CD46: variants seen among roughly 807,000 people sequenced by gnomAD.
CD46 encodes membrane cofactor protein.
A neutral mutation model predicts 53.3 loss-of-function variants in CD46; 30 were observed. That is an observed-to-expected ratio of 0.56 (90% CI 0.42 to 0.76). CD46 has a LOEUF of 0.76. Among genes scored for constraint, CD46 ranks in the 30% least tolerant of loss-of-function variants. The pLI, the probability that CD46 is intolerant of heterozygous loss-of-function variation, is 0.00. For synonymous variants in CD46, 142 were observed against 152.0 expected, an observed-to-expected ratio of 0.93 and a Z score of 0.48; for missense variants, 409 against 463.0, an observed-to-expected ratio of 0.88 and a Z score of 1.07.
intron 11 of CD46, among the ~76,000 whole-genome samples, chr1:207,787,733 A>G (rs1369970740): frequency 2.0e-5 from 3 of 152,224 alleles, no homozygotes; most frequent in African/African-American, 7.2e-5. Context: ...TGACAGGAAC[A>G]TACTCGATTG....
chr1:207,752,445 A>G lies in CD46; in HGVS notation c.97+136A>G. On this transcript the variant is annotated intron_variant, in intron 1 of 12. Transcript: ENST00000367042. This position sits in a 1 kb window ranked among gnomAD's most constrained non-coding sequence, Gnocchi z 4.1. ...GTTCTCTGAGGGGTGCAGTGCTCAG[A>G]TCCCGGGGGTATGTGGCGGGGAATG... 1.2e-6 allele frequency: 1 copy of G among 838,074 alleles called. No individual in the cohort carries two copies. The highest frequency in any genetic ancestry group is 2.0e-6 in the Non-Finnish European group (1 of 491,180). The allele number at this position is 838,074 out of a possible 1,614,324, so 51.9% of individuals were successfully genotyped here.
At chr1:207,759,531 CT>C in intron 3 of CD46, 107 bp from the exon 4 acceptor site, 1 of 669,130 alleles carries the variant, frequency 1.5e-6, no homozygotes, top group Non-Finnish European at 2.7e-6. Flanking sequence ...AAACCACCCC[CT>C]CAAACTACTG....
chr1:207,789,062 C>T (rs1300542583), intron 11 of CD46, among the ~76,000 whole-genome samples: 1 of 152,218 alleles, frequency 6.6e-6, no homozygotes, highest in Non-Finnish European at 1.5e-5. Flanking sequence ...GTCTTTGCTA[C>T]TGCTTCAGTC....
intron 1 of CD46, among the ~76,000 whole-genome samples, chr1:207,756,282 A>G (rs1340220053): frequency 1.3e-5 from 2 of 152,358 alleles, no homozygotes; most frequent in East Asian, 3.9e-4. Flanking sequence ...GGATTAAATC[A>G]CAGGGTGAGT....
chr1:207,789,124 C>T (rs1659557197), intron 11 of CD46, among the ~76,000 whole-genome samples: 1 of 152,190 alleles, frequency 6.6e-6, no homozygotes, highest in South Asian at 2.1e-4. Flanking sequence ...CTTTTGTTTA[C>T]ATAAATATTT....
At chr1:207,790,578 T>C (rs886941487) in intron 12 of CD46, among the ~76,000 whole-genome samples, 2 of 152,312 alleles carry the variant, frequency 1.3e-5, no homozygotes, top group South Asian at 2.1e-4. Flanking sequence ...TATGTTCCCC[T>C]AGTCCTTTTA....
chr1:207,755,338 G>C (rs1011546553), intron 1 of CD46, among the ~76,000 whole-genome samples: 4 of 152,174 alleles, frequency 2.6e-5, no homozygotes, highest in Non-Finnish European at 1.5e-5. Flanking sequence ...ATGAAACCTA[G>C]AGAAAGTAAA....
intron 5 of CD46, chr1:207,763,344 CTTGCT>C: frequency 6.6e-6 from 1 of 152,524 alleles, no homozygotes; most frequent in East Asian, 1.9e-4. Flanking sequence ...GCCCCCCAGC[CTTGCT>C]GGCTCCTCTG....
Position 207,767,189 on chromosome 1 carries a change from C to G in CD46, c.850C>G (p.Leu284Val), listed in dbSNP as rs200389060. The G allele has an allele frequency of 1.2e-6, 2 of 1,612,418 alleles. No homozygotes were observed. The highest frequency in any genetic ancestry group is 2.2e-5 in the East Asian group (1 of 44,870). Reference sequence around the variant, plus strand: ...TTGGGATCCCCCAGTTCCAAAGTGTCTTAAAGGTACAAAGGTTATCTTTTT... The same window carrying G: ...TTGGGATCCCCCAGTTCCAAAGTGTGTTAAAGGTACAAAGGTTATCTTTTT... ...STWDPPVPKCLKVSTSSTTKS... is the reference protein window; with the variant it reads ...STWDPPVPKCVKVSTSSTTKS... The change falls in exon 6 of 13, where the codon CTT becomes GTT. Residue 284 changes from leucine to valine, a missense_variant. By Grantham distance (32) the Leu-to-Val change is conservative. Transcript: ENST00000367042.
chr1:207,778,733 T>C (rs1658396499), intron 8 of CD46, among the ~76,000 whole-genome samples: 1 of 152,204 alleles, frequency 6.6e-6, no homozygotes, highest in Non-Finnish European at 1.5e-5. Context: ...GCCTCCAGCT[T>C]TGTTCTTTTT....
chr1:207,773,350 T>A (rs980786488), intron 8 of CD46, among the ~76,000 whole-genome samples: 1 of 152,240 alleles, frequency 6.6e-6, no homozygotes, highest in Non-Finnish European at 1.5e-5. Context: ...AACCAGCTCC[T>A]GGAATCATTG....
chr1:207,790,443 A>G (rs1461650903), intron 12 of CD46, 98 bp downstream of exon 12: 1 of 674,526 alleles, frequency 1.5e-6, no homozygotes, highest in East Asian at 2.7e-5. Flanking sequence ...AGATATTGGC[A>G]GTAAATATCA....
At position 207,767,085 on chromosome 1, in the gene CD46, A is replaced by G. The variant is rs115094188; in HGVS notation, c.746A>G (p.Lys249Arg). ...ISGFGKKFYYKATVMFECDKG... is the reference protein window; with the variant it reads ...ISGFGKKFYYRATVMFECDKG... ...GGATTTGGAAAAAAATTTTACTACA[A>G]AGCAACAGTTATGTTTGAATGCGAT... Residue 249 changes from lysine to arginine, a missense_variant, in exon 6 of 13, where the codon AAA (lysine) becomes AGA (arginine). Transcript: ENST00000367042. The G allele has an allele frequency of 2.5e-6, 4 of 1,613,822 alleles. No homozygotes were observed. The East Asian group carries it at 8.9e-5, about 36-fold the overall frequency.
At chr1:207,792,327 G>A (rs1659870811) in intron 12 of CD46, among the ~76,000 whole-genome samples, 1 of 152,130 alleles carries the variant, frequency 6.6e-6, no homozygotes, top group Non-Finnish European at 1.5e-5. Flanking sequence ...TGGTCTTGGA[G>A]AATTCAGTGA....
intron 12 of CD46, among the ~76,000 whole-genome samples, chr1:207,793,087 T>C (rs1461365228): frequency 6.6e-6 from 1 of 152,202 alleles, no homozygotes; most frequent in Admixed American, 6.5e-5. Context: ...GTGGAATACA[T>C]GATTTTCTTG....
Position 207,752,192 on chromosome 1 carries a change from A to G in CD46, c.-21A>G. 6.2e-7 allele frequency: 1 copy of G among 1,610,836 alleles called. No individual in the cohort carries two copies. The highest frequency in any genetic ancestry group is 1.1e-5 in the South Asian group (1 of 91,042). ...TTCTCTGCTTTCCTCCGGAGAAATA[A>G]CAGCGTCTTCCGCGCCGCGCATGGA... On this transcript the variant is annotated 5_prime_UTR_variant, in exon 1 of 13. It removes the in-frame stop codon of an upstream open reading frame in the 5' UTR. Coordinates refer to ENST00000367042, the MANE Select transcript of CD46 (RefSeq NM_172351.3). The surrounding 1 kb of genome is among the most constrained non-coding windows in gnomAD (Gnocchi z 4.1).
At position 207,767,215 on chromosome 1, in the gene CD46, T is replaced by A. The variant is rs183517108; in HGVS notation, c.856+20T>A. On this transcript the variant is annotated intron_variant, in intron 6 of 12. Transcript: ENST00000367042. Reference sequence around the variant, plus strand: ...TTAAAGGTACAAAGGTTATCTTTTTTCTGTCTTGGTTTGTTATTGTTGTTG... The same window carrying A: ...TTAAAGGTACAAAGGTTATCTTTTTACTGTCTTGGTTTGTTATTGTTGTTG... The A allele has an allele frequency of 1.7e-5, 27 of 1,599,456 alleles. No individual in the cohort carries two copies. Among genetic ancestry groups the A allele is most frequent in the Non-Finnish European group, 2.3e-5 (27 of 1,166,636 alleles).
Position 207,752,879 on chromosome 1 carries a change from T to A in CD46, c.97+570T>A, listed in dbSNP as rs1173364825. On this transcript the variant is annotated intron_variant, in intron 1 of 12. Transcript: ENST00000367042. The surrounding 1 kb of genome is among the most constrained non-coding windows in gnomAD (Gnocchi z 4.1). ...AGTGGCCTGTGTGCAGAGTTCACTGTGGGCAAGACAGCTCAACTGTTTGCT... is the reference window on the plus strand; with the variant it reads ...AGTGGCCTGTGTGCAGAGTTCACTGAGGGCAAGACAGCTCAACTGTTTGCT... Among the ~76,000 whole-genome samples, 1 of 152,070 alleles carries A rather than the reference T, an allele frequency of 6.6e-6. No homozygotes were observed. The highest frequency in any genetic ancestry group is 1.5e-5 in the Non-Finnish European group (1 of 68,022).
chr1:207,783,296 T>C lies in CD46; in HGVS notation c.948T>C (p.Tyr316=), dbSNP rs749489444. Residue 316 remains tyrosine, a synonymous_variant, in exon 9 of 13, where the codon TAT becomes TAC. Transcript: ENST00000367042. ...YKPPVSNYPG[Y]PKPEEGILDS... ...ATATTTCTTCTTTTTTCCTAGGATA[T>C]CCTAAACCTGAGGAAGGAATACTTG... 6.7e-7 allele frequency: 1 copy of C among 1,495,638 alleles called. No individual in the cohort carries two copies. The highest frequency in any genetic ancestry group is 1.1e-5 in the South Asian group (1 of 87,806). 92.6% of individuals were successfully genotyped at this position (1,495,638 alleles called of 1,614,324 possible). A position where few individuals can be genotyped will look rare whatever the true frequency, so the allele number is the denominator to read the frequency against.
Sources: gnomAD v4.1 joint callset for allele counts (sites outside exome capture counted in the v4.1 genomes callset) on GRCh38, gnomAD v4.1.1 for gene constraint, Gnocchi (gnomAD v3.1) non-coding constraint, MANE v1.5 for transcripts, NCBI Gene and HGNC (gene_info 2026-07-23, HGNC 2026-07-21) for gene names.